Variants in RAPGEF2 observed in about 807,000 individuals in gnomAD.
RAPGEF2 encodes Rap guanine nucleotide exchange factor 2, also known as PDZ domain containing guanine nucleotide exchange factor (GEF) 1.
RAPGEF2 carries 54 observed loss-of-function variants against 186.7 expected under a neutral mutation model. The ratio of observed to expected loss-of-function variants is 0.29; its 90% confidence interval spans 0.23 to 0.36. The LOEUF is 0.36. Among genes scored for constraint, RAPGEF2 ranks in the 10% least tolerant of loss-of-function variants. The probability of loss-of-function intolerance (pLI) is 1.00; values close to 1 mark genes in which losing one functional copy is unlikely to be tolerated. For synonymous variants in RAPGEF2, 712 were observed against 705.9 expected, an observed-to-expected ratio of 1.01 and a Z score of -0.14; for missense variants, 1,532 against 2,045.0, an observed-to-expected ratio of 0.75 and a Z score of 4.84.
chr4:159,193,342 G>C, intron 3 of RAPGEF2, 86 bp downstream of exon 3: 2 of 664,554 alleles, frequency 3.0e-6, no homozygotes, highest in Non-Finnish European at 4.5e-6. Flanking sequence ...AGTAACAGCT[G>C]GCTAAGTCAG....
intron 26 of RAPGEF2, chr4:159,352,442 A>G (rs1731324783): frequency 2.3e-6 from 1 of 434,274 alleles, no homozygotes; most frequent in Admixed American, 3.9e-5. Context: ...CCTTTTCTGC[A>G]TCTTTTCCTA....
intron 4 of RAPGEF2, among the ~76,000 whole-genome samples, chr4:159,229,150 T>C (rs1359424687): frequency 6.6e-6 from 1 of 152,192 alleles, no homozygotes; most frequent in African/African-American, 2.4e-5. Flanking sequence ...ATTGATGTAT[T>C]GGAGTATTAT....
intron 29 of RAPGEF2, among the ~76,000 whole-genome samples, chr4:159,357,533 G>A (rs1268630972): frequency 6.6e-6 from 1 of 152,112 alleles, no homozygotes; most frequent in Non-Finnish European, 1.5e-5. Context: ...TAACATGTTT[G>A]ATTACACAAT....
intron 1 of RAPGEF2, among the ~76,000 whole-genome samples, chr4:159,162,679 G>A (rs1018313780): frequency 1.3e-5 from 2 of 152,006 alleles, no homozygotes; most frequent in Non-Finnish European, 2.9e-5. Flanking sequence ...CTAGATTATA[G>A]CCCTCAGCCA....
intron 1 of RAPGEF2, among the ~76,000 whole-genome samples, chr4:159,184,317 A>C (rs1396784123): frequency 6.6e-6 from 1 of 152,212 alleles, no homozygotes; most frequent in Non-Finnish European, 1.5e-5. Flanking sequence ...GAATCGCCAC[A>C]CTGTCTTCCA....
At chr4:159,190,648 A>G (rs1009084302) in intron 2 of RAPGEF2, among the ~76,000 whole-genome samples, 4 of 152,210 alleles carry the variant, frequency 2.6e-5, no homozygotes, top group African/African-American at 4.8e-5. Context: ...AAAACTTACA[A>G]TCATGGCAGA....
chr4:159,332,633 A>C lies in RAPGEF2; in HGVS notation c.2071A>C (p.Arg691=), dbSNP rs759436894. Residue 691 remains arginine (R), a synonymous_variant, in exon 17 of 30, where the codon AGG becomes CGG. Coordinates refer to ENST00000691494, the MANE Select transcript of RAPGEF2 (RefSeq NM_001394067.2). ...AAGTAAAGCCAACACTGTGGGAGGA[A>C]GGAACAAGCTGAAAAAGATACTCGA... is the stretch of plus-strand genomic sequence containing the variant. ...KKSKANTVGG[R]NKLKKILDKT... 44 of 1,614,060 alleles carry C rather than the reference A, an allele frequency of 2.7e-5. No homozygotes were observed. The highest frequency in any genetic ancestry group is 3.7e-5 in the Non-Finnish European group (44 of 1,180,030).
chr4:159,331,862 T>C (rs1766723709), intron 15 of RAPGEF2, 29 bp downstream of exon 15: 11 of 1,598,438 alleles, frequency 6.9e-6, no homozygotes, highest in Non-Finnish European at 9.4e-6. Context: ...CATTTAAGGG[T>C]GAATTTTGGT....
chr4:159,171,708 TG>T (rs912479638), intron 1 of RAPGEF2, among the ~76,000 whole-genome samples: 59 of 151,916 alleles, frequency 3.9e-4, no homozygotes, highest in African/African-American at 1.4e-3. Flanking sequence ...GAATCTTTCA[TG>T]GGATAGGGTC....
At chr4:159,105,831 C>T (rs763542045) in intron 1 of RAPGEF2, among the ~76,000 whole-genome samples, 2 of 152,156 alleles carry the variant, frequency 1.3e-5, no homozygotes, top group Admixed American at 6.5e-5. Flanking sequence ...AGTGAAATTA[C>T]GCATGCTGAG....
chr4:159,183,945 A>G (rs891558135), intron 1 of RAPGEF2, among the ~76,000 whole-genome samples: 2 of 151,910 alleles, frequency 1.3e-5, no homozygotes, highest in Non-Finnish European at 2.9e-5. Context: ...CCTGTGTCCA[A>G]GTGTTCTCAT....
chr4:159,351,821 C>G (rs148682039), intron 26 of RAPGEF2, among the ~76,000 whole-genome samples: 167 of 152,154 alleles, frequency 1.1e-3, no homozygotes, highest in African/African-American at 3.8e-3. Flanking sequence ...CATGGTGGCA[C>G]ATGCCTGTAA....
At chr4:159,307,366 T>C (rs1763425059) in intron 8 of RAPGEF2, among the ~76,000 whole-genome samples, 1 of 152,198 alleles carries the variant, frequency 6.6e-6, no homozygotes, top group South Asian at 2.1e-4. Flanking sequence ...ACTAGTTATA[T>C]ACTTTTCTCA....
intron 4 of RAPGEF2, among the ~76,000 whole-genome samples, chr4:159,219,291 T>G (rs1175274939): frequency 7.2e-6 from 1 of 139,608 alleles, no homozygotes; most frequent in African/African-American, 2.7e-5. Context: ...TTGTTCTTTT[T>G]AAGATATTAA....
chr4:159,330,263 A>ATGTGTGTGTGTGTGTGTGTG (rs1278340762), intron 12 of RAPGEF2, 71 bp from the exon 13 acceptor site: 41 of 410,444 alleles, frequency 1.0e-4, no homozygotes, highest in Middle Eastern at 4.1e-4. Context: ...GTGTATATGT[A>ATGTGTGTGTGTGTGTGTGTG]TATGTGTGTG....
chr4:159,204,046 G>C (rs1371811160), intron 3 of RAPGEF2, among the ~76,000 whole-genome samples: 1 of 152,226 alleles, frequency 6.6e-6, no homozygotes, highest in Non-Finnish European at 1.5e-5. Context: ...GAAGGACCAT[G>C]GGGTTCATCA....
intron 7 of RAPGEF2, among the ~76,000 whole-genome samples, chr4:159,258,305 C>G (rs1756421260): frequency 6.6e-6 from 1 of 152,088 alleles, no homozygotes; most frequent in African/African-American, 2.4e-5. Context: ...ATGCTGTTAT[C>G]TTAAACTCAT....
At chr4:159,123,528 T>C (rs903100594) in intron 1 of RAPGEF2, among the ~76,000 whole-genome samples, 1 of 151,722 alleles carries the variant, frequency 6.6e-6, no homozygotes, top group African/African-American at 2.4e-5. Context: ...GGGTGGGATA[T>C]GGATTTTTAT....
intron 7 of RAPGEF2, among the ~76,000 whole-genome samples, chr4:159,250,670 T>C (rs1455365292): frequency 2.9e-5 from 3 of 102,880 alleles, no homozygotes; most frequent in Admixed American, 2.2e-4. Flanking sequence ...CTCTTCTTTT[T>C]TTTTTTTTTT....
Sources: allele counts gnomAD v4.1 joint callset (sites outside exome capture counted in the v4.1 genomes callset), GRCh38; gene constraint gnomAD v4.1.1; transcripts MANE v1.5; gene names NCBI Gene and HGNC (gene_info 2026-07-23, HGNC 2026-07-21).